The following AMZ2 variants were observed in gnomAD, a reference collection of about 807,000 sequenced individuals.
AMZ2 encodes archaelysin family metallopeptidase 2, also known as archaemetzincin-2.
Under a neutral mutation model 36.7 loss-of-function variants are expected in AMZ2, and 26 were observed. That is an observed-to-expected ratio of 0.71 (90% CI 0.52 to 0.98). The LOEUF is 0.98. Ranked by LOEUF, AMZ2 falls within the 50% of genes least tolerant of loss-of-function variation. AMZ2 has a pLI of 0.00. For synonymous variants in AMZ2, 144 were observed against 149.1 expected, an observed-to-expected ratio of 0.97 and a Z score of 0.25; for missense variants, 394 against 430.5, an observed-to-expected ratio of 0.92 and a Z score of 0.75.
In AMZ2 at chr17:68,250,987, A is replaced by C. The variant is rs782092486; in HGVS notation, c.457+20A>C. 2 of 1,611,542 alleles carry C rather than the reference A, an allele frequency of 1.2e-6. No individual in the cohort carries two copies. Among genetic ancestry groups the C allele is most frequent in the Non-Finnish European group, 1.7e-6 (2 of 1,179,442 alleles). ...ATGCAGGTGAATTACACGACTTTGCAATTCGAACTGAGTATATGTATATAA... is the reference window on the plus strand; with the variant it reads ...ATGCAGGTGAATTACACGACTTTGCCATTCGAACTGAGTATATGTATATAA... On this transcript the variant is annotated intron_variant, in intron 3 of 6. Coordinates refer to ENST00000359904, the MANE Select transcript of AMZ2 (RefSeq NM_016627.5).
At chr17:68,215,104 G>A (rs1555726937) in intron 1 of AMZ2, among the ~76,000 whole-genome samples, 1 of 152,128 alleles carries the variant, frequency 6.6e-6, no homozygotes, top group East Asian at 1.9e-4. Context: ...TCTTTAGTAT[G>A]GTTTTAAGAA....
At chr17:68,243,710 C>T (rs2073949341), upstream of AMZ2, among the ~76,000 whole-genome samples, 1 of 152,208 alleles carries the variant, frequency 6.6e-6, no homozygotes, top group Non-Finnish European at 1.5e-5. Flanking sequence ...ATACACCGTT[C>T]TGCCAGGACA....
At chr17:68,223,984 G>A (rs1308201448) in intron 1 of AMZ2, among the ~76,000 whole-genome samples, 4 of 151,992 alleles carry the variant, frequency 2.6e-5, no homozygotes, top group Non-Finnish European at 4.4e-5. Context: ...CTGCCTCCCG[G>A]GTTCACGCCA....
At chr17:68,209,632 A>ATATATATATATGTATATATATTTT in intron 1 of AMZ2, among the ~76,000 whole-genome samples, 12 of 90,678 alleles carry the variant, frequency 1.3e-4, no homozygotes, top group Middle Eastern at 6.7e-3. Context: ...ATATATATAT[A>ATATATATATATGTATATATATTTT]TTTTTTTTTT....
intron 3 of AMZ2, 38 bp downstream of exon 3, chr17:68,251,005 G>A: frequency 1.2e-6 from 2 of 1,608,810 alleles, no homozygotes; most frequent in Non-Finnish European, 1.7e-6. Context: ...CTGAGTATAT[G>A]TATATAATAT....
At chr17:68,250,673 T>G (rs1370670378) in intron 2 of AMZ2, 121 bp from the exon 3 acceptor site, 1 of 1,187,194 alleles carries the variant, frequency 8.4e-7, no homozygotes, top group Non-Finnish European at 1.2e-6. Context: ...CAATGAATGA[T>G]AAAGGTTATT....
At chr17:68,255,136 C>T (rs543897057) in intron 5 of AMZ2, among the ~76,000 whole-genome samples, 2 of 152,342 alleles carry the variant, frequency 1.3e-5, no homozygotes, top group Admixed American at 6.5e-5. Flanking sequence ...CTGAGAACTA[C>T]ATTCTCACAG....
At chr17:68,225,029 C>CAT (rs1191631350) in intron 1 of AMZ2, among the ~76,000 whole-genome samples, 5 of 149,596 alleles carry the variant, frequency 3.3e-5, no homozygotes, top group Admixed American at 1.3e-4. Flanking sequence ...AAAAAAAACA[C>CAT]ACACACACAA....
chr17:68,206,556 T>G (rs1275379612), intron 1 of AMZ2: 1 of 154,648 alleles, frequency 6.5e-6, no homozygotes, highest in Non-Finnish European at 1.4e-5. Flanking sequence ...GGATTGAAAC[T>G]TTGGCAAACA....
chr17:68,249,222 T>C, intron 1 of AMZ2: 1 of 500,560 alleles, frequency 2.0e-6, no homozygotes, highest in Non-Finnish European at 2.8e-6. Flanking sequence ...TGATAGGGCT[T>C]ACATTAGTTT....
In AMZ2 at chr17:68,254,483, G is replaced by C; in HGVS notation, c.666G>C (p.Lys222Asn). The C allele has an allele frequency of 6.2e-7, 1 of 1,613,496 alleles. No homozygotes were observed. Among genetic ancestry groups the C allele is most frequent in the Non-Finnish European group, 8.5e-7 (1 of 1,179,750 alleles). The change falls in exon 5 of 7, where the codon AAG (lysine) becomes AAC (asparagine). Residue 222 changes from lysine to asparagine, a missense_variant. Coordinates refer to ENST00000359904, the MANE Select transcript of AMZ2 (RefSeq NM_016627.5). ...MHYKGKVKKL[K>N]KTSSSDYSIF... Reference sequence around the variant, plus strand: ...ATAAAGGCAAAGTGAAGAAGCTCAAGAAAACATCTTCAAGTGACTATTCAA... The same window carrying C: ...ATAAAGGCAAAGTGAAGAAGCTCAACAAAACATCTTCAAGTGACTATTCAA...
rs1175172441 is a variant in AMZ2, at chr17:68,212,903, C to T, written c.-67+6665C>T. 2.0e-5 allele frequency among the ~76,000 whole-genome samples: 3 copies of T among 152,144 alleles called. No homozygotes were observed. In the East Asian group the frequency reaches 5.8e-4, roughly 29 times the overall value. On this transcript the variant is annotated intron_variant, in intron 1 of 7. Transcript: ENST00000674770. Reference sequence around the variant, plus strand: ...TTTTACTGTGTCTGTGGTTCCACAACTTCCTTTTTTCCTGTTCTCTATGGA... The same window carrying T: ...TTTTACTGTGTCTGTGGTTCCACAATTTCCTTTTTTCCTGTTCTCTATGGA...
intron 1 of AMZ2, among the ~76,000 whole-genome samples, chr17:68,228,666 C>T (rs1305083212): frequency 6.6e-6 from 1 of 152,248 alleles, no homozygotes; most frequent in African/African-American, 2.4e-5. Flanking sequence ...AAGCAAAGTC[C>T]ATCTGTTGGC....
Position 68,248,120 on chromosome 17 carries a change from G to A in AMZ2, c.-586G>A, listed in dbSNP as rs1317076892. On this transcript the variant is annotated 5_prime_UTR_variant, in exon 1 of 7. Coordinates refer to ENST00000359904, the MANE Select transcript of AMZ2 (RefSeq NM_016627.5). ...TATCGAGGCCTGTCGGGTCAGGGCG[G>A]TTCGCGGGTGCTGTCAGAGCTGGGC... is the stretch of plus-strand genomic sequence containing the variant. 3 of 986,348 alleles carry A rather than the reference G, an allele frequency of 3.0e-6. No individual in the cohort carries two copies. Among genetic ancestry groups the A allele is most frequent in the East Asian group, 1.1e-4 (1 of 8,834 alleles). 61.1% of individuals were successfully genotyped at this position (986,348 alleles called of 1,614,324 possible). A position where few individuals can be genotyped will look rare whatever the true frequency, so the allele number is the denominator to read the frequency against.
chr17:68,241,906 TTC>T (rs1351304015), intron 1 of AMZ2, among the ~76,000 whole-genome samples: 2,237 of 144,310 alleles, frequency 0.016, 45 homozygotes, highest in African/African-American at 0.054. Flanking sequence ...TTTTTTCTTT[TTC>T]TTTTTTTTTT....
At chr17:68,221,852 C>T (rs1469703167) in intron 1 of AMZ2, among the ~76,000 whole-genome samples, 15 of 152,212 alleles carry the variant, frequency 9.9e-5, no homozygotes, top group Non-Finnish European at 1.9e-4. Context: ...GTTCGCACCA[C>T]TGCACTCCAG....
At chr17:68,243,372 T>C (rs2073942762), upstream of AMZ2, among the ~76,000 whole-genome samples, 1 of 152,302 alleles carries the variant, frequency 6.6e-6, no homozygotes, top group Non-Finnish European at 1.5e-5. Context: ...TGACCTCAGG[T>C]AATCAGCCTG....
chr17:68,249,275 C>T (rs2074257983), intron 1 of AMZ2: 1 of 262,950 alleles, frequency 3.8e-6, no homozygotes, highest in Non-Finnish European at 6.8e-6. Flanking sequence ...ACATTAGAAA[C>T]GATGAGTATT....
At position 68,217,913 on chromosome 17, in the gene AMZ2, C is replaced by T. The variant is rs190924710; in HGVS notation, c.-67+11675C>T. ...CTGCAAGCTCCACCTCCCGGGTTCACGCCATTCTCCTGCCTCAGCCTCCTG... is the reference window on the plus strand; with the variant it reads ...CTGCAAGCTCCACCTCCCGGGTTCATGCCATTCTCCTGCCTCAGCCTCCTG... On this transcript the variant is annotated intron_variant, in intron 1 of 7. Coordinates refer to the AMZ2 transcript ENST00000674770. 6.6e-3 allele frequency among the ~76,000 whole-genome samples: 1,001 copies of T among 151,190 alleles called. 17 individuals are homozygous for T. Among genetic ancestry groups the T allele is most frequent in the African/African-American group, 0.023 (947 of 41,110 alleles).
Sources: allele counts gnomAD v4.1 joint callset (sites outside exome capture counted in the v4.1 genomes callset), GRCh38; gene constraint gnomAD v4.1.1; transcripts MANE v1.5; gene names NCBI Gene and HGNC (gene_info 2026-07-23, HGNC 2026-07-21).